Variants in SH3GL2 observed in about 807,000 individuals in gnomAD.
SH3GL2 encodes endophilin-A1.
In SH3GL2, 24 loss-of-function variants were observed where a neutral mutation model predicts 46.0. The ratio of observed to expected loss-of-function variants is 0.52; its 90% CI spans 0.38 to 0.73. The LOEUF is 0.73. SH3GL2 is among the 30% of genes least tolerant of loss of function. The pLI is 0.00. For synonymous variants in SH3GL2, 196 were observed against 147.1 expected (o/e 1.33, Z -2.40); for missense variants, 413 against 424.2 (o/e 0.97, Z 0.23).
chr9:17,581,357 A>G (rs974222526), intron 1 of SH3GL2, among the ~76,000 whole-genome samples: 1 of 152,236 alleles, frequency 6.6e-6, no homozygotes, highest in African/African-American at 2.4e-5. Context: ...CCAAATGCAG[A>G]ATCACTGCGT....
chr9:17,585,154 A>G (rs1818349868), intron 1 of SH3GL2, among the ~76,000 whole-genome samples: 1 of 152,160 alleles, frequency 6.6e-6, no homozygotes, highest in Non-Finnish European at 1.5e-5. Flanking sequence ...GTCTCAGGGC[A>G]TCAAGCAACC....
At chr9:17,732,943 A>G (rs1822222687) in intron 1 of SH3GL2, among the ~76,000 whole-genome samples, 1 of 152,122 alleles carries the variant, frequency 6.6e-6, no homozygotes, top group Non-Finnish European at 1.5e-5. Context: ...CCTGGGTTTC[A>G]GTCCTCTCTC....
At chr9:17,655,346 A>G (rs1295384963) in intron 1 of SH3GL2, among the ~76,000 whole-genome samples, 3 of 152,100 alleles carry the variant, frequency 2.0e-5, no homozygotes, top group Non-Finnish European at 4.4e-5. Flanking sequence ...CCAACTGGTA[A>G]GGAAATTGGA....
intron 2 of SH3GL2, among the ~76,000 whole-genome samples, chr9:17,757,272 C>G (rs536269372): frequency 3.9e-5 from 6 of 152,264 alleles, no homozygotes; most frequent in African/African-American, 1.4e-4. Context: ...GTCTAAAACA[C>G]CAAAAGCAAT....
intron 1 of SH3GL2, among the ~76,000 whole-genome samples, chr9:17,684,373 G>GA (rs1820850898): frequency 6.6e-6 from 1 of 152,076 alleles, no homozygotes; most frequent in African/African-American, 2.4e-5. Context: ...AGATTGGTCA[G>GA]AAGAGATTTA....
At position 17,638,166 on chromosome 9, in the gene SH3GL2, A is replaced by C. The variant is rs182339413; in HGVS notation, c.45+58879A>C. On this transcript the variant is annotated intron_variant, in intron 1 of 8. Coordinates refer to ENST00000380607, the MANE Select transcript of SH3GL2 (RefSeq NM_003026.5). ...AGCGAGACTCCCTCTCAAAAAAAAA[A>C]CAAAAAAACAAAAAAACCACTGATT... Among the ~76,000 whole-genome samples the C allele has an allele frequency of 2.8e-4, 42 of 151,220 alleles. 1 individual carries two copies. The highest frequency in any genetic ancestry group is 4.9e-4 in the Non-Finnish European group (33 of 67,908).
At chr9:17,596,797 C>T (rs556384906) in intron 1 of SH3GL2, among the ~76,000 whole-genome samples, 2 of 152,250 alleles carry the variant, frequency 1.3e-5, no homozygotes, top group Admixed American at 6.5e-5. Flanking sequence ...AAAACACTAC[C>T]GTGAAACGTA....
At chr9:17,674,323 G>A (rs1431285964) in intron 1 of SH3GL2, among the ~76,000 whole-genome samples, 1 of 152,122 alleles carries the variant, frequency 6.6e-6, no homozygotes, top group African/African-American at 2.4e-5. Flanking sequence ...CTGGAGTGCA[G>A]TGGTGTGATC....
At chr9:17,642,478 G>A (rs1352463876) in intron 1 of SH3GL2, among the ~76,000 whole-genome samples, 1 of 152,114 alleles carries the variant, frequency 6.6e-6, no homozygotes, top group Non-Finnish European at 1.5e-5. Context: ...GGGTTTTTAT[G>A]GTTTTAGGTC....
intron 3 of SH3GL2, among the ~76,000 whole-genome samples, chr9:17,763,862 C>G (rs192392659): frequency 6.6e-6 from 1 of 152,274 alleles, no homozygotes; most frequent in African/African-American, 2.4e-5. Flanking sequence ...GTTGCACGAT[C>G]CTGCCTCTGA....
At chr9:17,758,727 G>A (rs990970388) in intron 2 of SH3GL2, among the ~76,000 whole-genome samples, 2 of 151,906 alleles carry the variant, frequency 1.3e-5, no homozygotes, top group African/African-American at 2.4e-5. Context: ...GATTTCAAGC[G>A]AAGGTTATTT....
At chr9:17,624,113 C>T (rs965478640) in intron 1 of SH3GL2, among the ~76,000 whole-genome samples, 7 of 152,138 alleles carry the variant, frequency 4.6e-5, no homozygotes, top group Non-Finnish European at 1.0e-4. Context: ...CAGTGGCTGT[C>T]AGTTTGAGGT....
chr9:17,648,184 T>C (rs1379517135), intron 1 of SH3GL2, among the ~76,000 whole-genome samples: 1 of 152,176 alleles, frequency 6.6e-6, no homozygotes, highest in Non-Finnish European at 1.5e-5. Context: ...TCAAAAGTTA[T>C]GTGTGGATTT....
chr9:17,663,824 C>A (rs957849595), intron 1 of SH3GL2, among the ~76,000 whole-genome samples: 5 of 152,162 alleles, frequency 3.3e-5, no homozygotes, highest in Admixed American at 2.6e-4. Context: ...CAAAAATAAA[C>A]CTCTTTTCAG....
intron 1 of SH3GL2, among the ~76,000 whole-genome samples, chr9:17,702,192 G>A (rs539499303): frequency 5.9e-5 from 9 of 152,152 alleles, no homozygotes; most frequent in African/African-American, 2.2e-4. Context: ...TTGGAAAAAA[G>A]GTTGGATCCA....
intron 1 of SH3GL2, among the ~76,000 whole-genome samples, chr9:17,630,766 A>C (rs1819402859): frequency 6.6e-6 from 1 of 152,140 alleles, no homozygotes; most frequent in African/African-American, 2.4e-5. Flanking sequence ...TAGCCTTTCG[A>C]GTCTCCAAAT....
intron 3 of SH3GL2, among the ~76,000 whole-genome samples, chr9:17,775,550 T>TCAGGG (rs1030312430): frequency 1.3e-5 from 2 of 152,190 alleles, no homozygotes; most frequent in African/African-American, 4.8e-5. Context: ...TTCAGGTATT[T>TCAGGG]CAGGGCTCTT....
intron 1 of SH3GL2, among the ~76,000 whole-genome samples, chr9:17,708,276 G>A (rs941075891): frequency 6.6e-5 from 10 of 151,818 alleles, no homozygotes; most frequent in African/African-American, 1.7e-4. Flanking sequence ...AGTCTCACTC[G>A]TATTTGTGTT....
chr9:17,733,260 ATTTT>A (rs539505693), intron 1 of SH3GL2, among the ~76,000 whole-genome samples: 1 of 151,470 alleles, frequency 6.6e-6, no homozygotes, highest in Non-Finnish European at 1.5e-5. Flanking sequence ...CTTTTTTTAA[ATTTT>A]TTTTATTTTT....
Sources: allele counts gnomAD v4.1 joint callset (sites outside exome capture counted in the v4.1 genomes callset), GRCh38; gene constraint gnomAD v4.1.1; transcripts MANE v1.5; gene names NCBI Gene and HGNC (gene_info 2026-07-23, HGNC 2026-07-21).